The following PGAP4 variants were observed in gnomAD, a reference collection of about 807,000 sequenced individuals.
The protein encoded by PGAP4 is post-GPI attachment to proteins GalNAc transferase 4, also known as GPI-N-acetylgalactosamine transferase PGAP4.
In PGAP4, 12 loss-of-function variants were observed where a neutral mutation model predicts 28.2. The observed-to-expected ratio is 0.42, with a 90% CI of 0.27 to 0.69. The LOEUF is 0.69. Ranked by LOEUF, PGAP4 falls within the 30% of genes least tolerant of loss-of-function variation. The probability of loss-of-function intolerance (pLI) is 0.22; values close to 1 mark genes in which losing one functional copy is unlikely to be tolerated. For missense variants in PGAP4, 425 were observed against 513.5 expected (o/e 0.83, Z 1.67); for synonymous variants, 205 against 211.8 (o/e 0.97, Z 0.28).
intron 2 of PGAP4, among the ~76,000 whole-genome samples, chr9:101,496,455 T>C (rs1418371206): frequency 1.3e-5 from 2 of 151,486 alleles, no homozygotes; most frequent in East Asian, 3.8e-4. Context: ...AAGAGCAAAT[T>C]AATATTTTAA....
intron 2 of PGAP4, among the ~76,000 whole-genome samples, chr9:101,507,059 T>C (rs899128978): frequency 3.3e-5 from 5 of 152,048 alleles, no homozygotes; most frequent in African/African-American, 1.2e-4. Flanking sequence ...ACCCCAACAG[T>C]CAATATCTGT....
chr9:101,496,857 A>G (rs528078890), intron 2 of PGAP4, among the ~76,000 whole-genome samples: 3 of 150,696 alleles, frequency 2.0e-5, no homozygotes, highest in Admixed American at 6.6e-5. Context: ...TTGTTTTTTA[A>G]TCTATATTTT....
chr9:101,500,578 A>G (rs1306018529), intron 2 of PGAP4, among the ~76,000 whole-genome samples: 1 of 150,682 alleles, frequency 6.6e-6, no homozygotes, highest in Non-Finnish European at 1.5e-5. Flanking sequence ...GGTTTCAGGG[A>G]TTAGGAAATA....
rs1826629102 is a variant in PGAP4 at position 101,486,899 on chromosome 9, C to G, written c.-78+50G>C. The G allele has an allele frequency of 6.6e-6, 1 of 152,642 alleles. No homozygotes were observed. The highest frequency in any genetic ancestry group is 1.5e-5 in the Non-Finnish European group (1 of 68,380). The allele number at this position is 152,642 out of a possible 1,614,324, so 9.5% of individuals were successfully genotyped here. On this transcript the variant is annotated intron_variant, in intron 1 of 1. Transcript: ENST00000374848. This position sits in a 1 kb window ranked among gnomAD's most constrained non-coding sequence, Gnocchi z 4.7. ...CCCCTCGCTCTAGTGTCCAGGGCTC[C>G]GACCACCGCGCCAGAAGGGCTGGGC...
In PGAP4 at chr9:101,496,748, A is replaced by T. The variant is rs532641685; in HGVS notation, c.-164-7548T>A. Among the ~76,000 whole-genome samples the T allele has an allele frequency of 8.6e-5, 13 of 150,998 alleles. No homozygotes were observed. The East Asian group carries it at 2.2e-3, about 25-fold the overall frequency. ...TTAGGACACAAATTTACCATACAAA[A>T]TTTTTTTAATACAAAGTTATTGCTT... On this transcript the variant is annotated intron_variant, in intron 2 of 3. Transcript: ENST00000374851.
chr9:101,493,189 G>A (rs976684209), intron 2 of PGAP4, among the ~76,000 whole-genome samples: 12 of 151,170 alleles, frequency 7.9e-5, no homozygotes, highest in Admixed American at 3.3e-4. Flanking sequence ...GGGAGGCGGA[G>A]GTTGCAGTGA....
intron 2 of PGAP4, among the ~76,000 whole-genome samples, chr9:101,508,115 C>T (rs563030148): frequency 4.1e-4 from 56 of 137,872 alleles, no homozygotes; most frequent in Non-Finnish European, 7.1e-4. Flanking sequence ...TTTTCAAAAT[C>T]CTTTTTGAGT....
intron 2 of PGAP4, among the ~76,000 whole-genome samples, chr9:101,513,573 G>T (rs1356914595): frequency 6.6e-6 from 1 of 152,174 alleles, no homozygotes; most frequent in Non-Finnish European, 1.5e-5. Context: ...ATTGATTGAG[G>T]ATTGTAATGC....
intron 1 of PGAP4, among the ~76,000 whole-genome samples, 151 bp from the exon 2 acceptor site, chr9:101,477,320 T>C (rs1826357021): frequency 6.6e-6 from 1 of 151,886 alleles, no homozygotes; most frequent in Non-Finnish European, 1.5e-5. Flanking sequence ...GACTCTAAAG[T>C]ATTTTCTACA....
chr9:101,510,581 T>G (rs1286154964), intron 2 of PGAP4, among the ~76,000 whole-genome samples: 1 of 152,152 alleles, frequency 6.6e-6, no homozygotes, highest in Admixed American at 6.6e-5. Context: ...TGGTATTTTC[T>G]TTTAAATGGA....
At chr9:101,531,778 G>C (rs951968166) in intron 1 of PGAP4, among the ~76,000 whole-genome samples, 8 of 152,292 alleles carry the variant, frequency 5.3e-5, no homozygotes, top group African/African-American at 1.9e-4. Context: ...TGAGGGAAGG[G>C]GAATAGCTGT....
intron 1 of PGAP4, among the ~76,000 whole-genome samples, chr9:101,480,945 G>A (rs1350541550): frequency 6.6e-6 from 1 of 152,208 alleles, no homozygotes; most frequent in Non-Finnish European, 1.5e-5. Flanking sequence ...AGGAGGCTGA[G>A]GCAGGTGGAT....
intron 1 of PGAP4, among the ~76,000 whole-genome samples, chr9:101,478,137 G>A (rs1826379572): frequency 6.6e-6 from 1 of 152,078 alleles, no homozygotes; most frequent in Non-Finnish European, 1.5e-5. Flanking sequence ...TGTCTCATAG[G>A]GTTACTGTGA....
intron 2 of PGAP4, among the ~76,000 whole-genome samples, chr9:101,520,813 C>G (rs1481273296): frequency 6.6e-6 from 1 of 152,162 alleles, no homozygotes; most frequent in Non-Finnish European, 1.5e-5. Flanking sequence ...AGAGGGAATG[C>G]TTTCAACTTT....
At chr9:101,532,224 T>C (rs1827101476) in intron 1 of PGAP4, among the ~76,000 whole-genome samples, 1 of 151,250 alleles carries the variant, frequency 6.6e-6, no homozygotes. Flanking sequence ...GAGCCGAGAT[T>C]GTGCCACTGC....
intron 2 of PGAP4, among the ~76,000 whole-genome samples, chr9:101,513,280 G>C (rs1826913553): frequency 6.6e-6 from 1 of 152,046 alleles, no homozygotes; most frequent in Admixed American, 6.6e-5. Context: ...ATGGTGTTAT[G>C]GTCCTCTCTG....
At chr9:101,490,685 T>C (rs1309617928), upstream of PGAP4, among the ~76,000 whole-genome samples, 1 of 152,250 alleles carries the variant, frequency 6.6e-6, no homozygotes, top group Non-Finnish European at 1.5e-5. Context: ...TTGTAATCAA[T>C]TACTTAAGGC....
Position 101,476,994 on chromosome 9 carries a change from C to G in PGAP4, c.99G>C (p.Val33=). The G allele has an allele frequency of 1.2e-6, 2 of 1,613,968 alleles. No homozygotes were observed. Among genetic ancestry groups the G allele is most frequent in the Non-Finnish European group, 1.7e-6 (2 of 1,180,004 alleles). The change falls in exon 2 of 2, where the codon GTG becomes GTC. Residue 33 remains valine, a synonymous_variant. Transcript: ENST00000374848. This position sits in a 1 kb window ranked among gnomAD's most constrained non-coding sequence, Gnocchi z 7.0. ...CCAGGGGGGCCAGCAGGCCAAACGT[C>G]ACCACTGTTAGGATGAAGAGCTGGA... The part of the protein sequence containing the change: ...TAVQLFILTV[V]TFGLLAPLAC...
intron 2 of PGAP4, among the ~76,000 whole-genome samples, chr9:101,498,020 T>C (rs1454061483): frequency 6.6e-6 from 1 of 151,866 alleles, no homozygotes; most frequent in Non-Finnish European, 1.5e-5. Flanking sequence ...TTGGAACCTG[T>C]TTATATGGCT....
Sources: gnomAD v4.1 joint callset for allele counts (sites outside exome capture counted in the v4.1 genomes callset) on GRCh38, gnomAD v4.1.1 for gene constraint, Gnocchi (gnomAD v3.1) non-coding constraint, MANE v1.5 for transcripts, NCBI Gene and HGNC (gene_info 2026-07-23, HGNC 2026-07-21) for gene names.